PCDHA12: variants seen among roughly 807,000 people sequenced by gnomAD.
The protein encoded by PCDHA12 is protocadherin alpha-12.
Under a neutral mutation model 60.0 loss-of-function variants are expected in PCDHA12, and 44 were observed. The observed-to-expected ratio is 0.73, with a 90% CI of 0.58 to 0.94. PCDHA12 has a LOEUF of 0.94. Ranked by LOEUF, PCDHA12 falls within the 40% of genes least tolerant of loss-of-function variation. The pLI is 0.00. For missense variants in PCDHA12, 1,276 were observed against 1,239.7 expected, an observed-to-expected ratio of 1.03 and a Z score of -0.44; for synonymous variants, 569 against 553.0, an observed-to-expected ratio of 1.03 and a Z score of -0.40.
At chr5:141,006,755 A>G (rs1554260896) in intron 3 of PCDHA12, among the ~76,000 whole-genome samples, 1 of 152,190 alleles carries the variant, frequency 6.6e-6, no homozygotes, top group East Asian at 1.9e-4. Flanking sequence ...TAAATGGAGA[A>G]TGAAGAATAG....
chr5:140,961,805 G>A (rs1554225601), intron 1 of PCDHA12, among the ~76,000 whole-genome samples: 1 of 151,810 alleles, frequency 6.6e-6, no homozygotes, highest in African/African-American at 2.4e-5. Context: ...AGGAAATTGG[G>A]TTCTCTAGTC....
At chr5:140,905,021 G>A (rs1443702216) in intron 1 of PCDHA12, among the ~76,000 whole-genome samples, 1 of 152,078 alleles carries the variant, frequency 6.6e-6, no homozygotes, top group African/African-American at 2.4e-5. Flanking sequence ...TCTTTTCTAT[G>A]CAGAAGCTTT....
chr5:140,999,139 C>T lies in PCDHA12; in HGVS notation c.2516-10488C>T, dbSNP rs185453971. 2.6e-3 allele frequency among the ~76,000 whole-genome samples: 401 copies of T among 152,236 alleles called. 3 individuals carry two copies. The highest frequency in any genetic ancestry group is 5.8e-3 in the South Asian group (28 of 4,818). On this transcript the variant is annotated intron_variant, in intron 3 of 3. Coordinates refer to ENST00000398631, the MANE Select transcript of PCDHA12 (RefSeq NM_018903.4). ...TTTCTAAGCTGGAAAATGTCACAGCCGGAAGTCTTCAGTCCCCTAGAAGGA... is the reference window on the plus strand; with the variant it reads ...TTTCTAAGCTGGAAAATGTCACAGCTGGAAGTCTTCAGTCCCCTAGAAGGA...
At chr5:140,911,057 TG>T (rs1554194586) in intron 1 of PCDHA12, among the ~76,000 whole-genome samples, 1 of 151,474 alleles carries the variant, frequency 6.6e-6, no homozygotes, top group Non-Finnish European at 1.5e-5. Context: ...TGGTGGGGGG[TG>T]GGTCCTGAGG....
chr5:140,981,959 A>C (rs76200785), intron 2 of PCDHA12, among the ~76,000 whole-genome samples: 3,104 of 152,312 alleles, frequency 0.02, 114 homozygotes, highest in African/African-American at 0.071. Flanking sequence ...TCATCTATGC[A>C]TAAAAGATAT....
intron 1 of PCDHA12, among the ~76,000 whole-genome samples, chr5:140,902,203 C>CTTT (rs148688132): frequency 4.8e-5 from 6 of 124,458 alleles, no homozygotes; most frequent in Non-Finnish European, 8.4e-5. Flanking sequence ...CTCTCTCTTT[C>CTTT]TTTTTTTTTT....
chr5:140,929,154 T>C (rs1005551092), intron 1 of PCDHA12: 3 of 1,614,180 alleles, frequency 1.9e-6, no homozygotes, highest in Non-Finnish European at 1.7e-6. Context: ...CTCAGACTTA[T>C]CTCTATCGGG....
intron 1 of PCDHA12, among the ~76,000 whole-genome samples, chr5:140,950,045 A>G (rs1293026782): frequency 1.3e-5 from 2 of 151,934 alleles, no homozygotes; most frequent in Non-Finnish European, 2.9e-5. Context: ...ACAACCATAT[A>G]AGACTATTTA....
At chr5:140,980,279 AAAAGTACC>A (rs1554241598) in intron 2 of PCDHA12, among the ~76,000 whole-genome samples, 2 of 152,236 alleles carry the variant, frequency 1.3e-5, no homozygotes, top group African/African-American at 4.8e-5. Flanking sequence ...CCAACTCTTG[AAAAGTACC>A]AAAGCTATGA....
intron 3 of PCDHA12, among the ~76,000 whole-genome samples, chr5:141,000,419 A>ATTTT (rs1563652468): frequency 3.0e-4 from 18 of 60,988 alleles, no homozygotes; most frequent in East Asian, 5.4e-4. Context: ...ATATATATAT[A>ATTTT]TATTTTTTTT....
At chr5:140,920,323 T>C (rs1448405138) in intron 1 of PCDHA12, among the ~76,000 whole-genome samples, 3 of 152,212 alleles carry the variant, frequency 2.0e-5, no homozygotes, top group Non-Finnish European at 4.4e-5. Context: ...AAATTATATA[T>C]TTATGGCATT....
chr5:140,953,607 G>A (rs1040886184), intron 1 of PCDHA12, among the ~76,000 whole-genome samples: 21 of 152,152 alleles, frequency 1.4e-4, no homozygotes, highest in African/African-American at 4.8e-4. Flanking sequence ...ATTCCCCAGA[G>A]TCCTTAGATA....
Position 140,877,721 on chromosome 5 carries a change from A to C in PCDHA12, c.2249A>C (p.Tyr750Ser). 1.9e-6 allele frequency: 3 copies of C among 1,614,000 alleles called. No homozygotes were observed. Among genetic ancestry groups the C allele is most frequent in the Non-Finnish European group, 2.5e-6 (3 of 1,179,992 alleles). ...TCCAGCGCCGTGGGGAGTTGGTCTTACTCGCAGCAGAGGAGGCAGAGGGTG... is the reference window on the plus strand; with the variant it reads ...TCCAGCGCCGTGGGGAGTTGGTCTTCCTCGCAGCAGAGGAGGCAGAGGGTG... ...VCSSAVGSWSYSQQRRQRVCS... is the reference protein window; with the variant it reads ...VCSSAVGSWSSSQQRRQRVCS... The change falls in exon 1 of 4, where the codon TAC becomes TCC. Residue 750 changes from tyrosine to serine, a missense_variant. Physicochemically the swap from Tyr to Ser is moderately radical, Grantham distance 144. Transcript: ENST00000398631.
intron 1 of PCDHA12, chr5:140,967,413 A>C: frequency 6.2e-7 from 1 of 1,613,218 alleles, no homozygotes; most frequent in Non-Finnish European, 8.5e-7. Context: ...AAGGGCCTAG[A>C]CCGGGAGCAG....
intron 3 of PCDHA12, among the ~76,000 whole-genome samples, chr5:140,995,267 C>A (rs552857413): frequency 6.6e-6 from 1 of 152,074 alleles, no homozygotes; most frequent in Admixed American, 6.5e-5. Context: ...GAATACAAGC[C>A]CTTTGATACC....
intron 1 of PCDHA12, chr5:140,966,920 C>A: frequency 6.2e-7 from 1 of 1,602,672 alleles, no homozygotes; most frequent in South Asian, 1.1e-5. Flanking sequence ...GCCAGAGGAG[C>A]AGGCACCCGG....
In PCDHA12 at chr5:140,877,818, T is replaced by C. The variant is rs1207543793; in HGVS notation, c.2346T>C (p.Asp782=). ...CAAGCCTTCAGCTGTCTCGAGAAGA[T>C]TGTTTAAATCCTCCCAGTGAAGTAA... ...FSPSLQLSRE[D]CLNPPSEPRQ... Residue 782 remains aspartate (D), a synonymous_variant, in exon 1 of 4, where the codon GAT becomes GAC. Transcript: ENST00000398631. 1 of 1,608,890 alleles carries C rather than the reference T, an allele frequency of 6.2e-7. No individual in the cohort carries two copies. Among genetic ancestry groups the C allele is most frequent in the Non-Finnish European group, 8.5e-7 (1 of 1,178,090 alleles).
intron 1 of PCDHA12, among the ~76,000 whole-genome samples, chr5:140,923,489 A>G (rs549066009): frequency 2.2e-4 from 34 of 152,300 alleles, no homozygotes; most frequent in African/African-American, 7.5e-4. Context: ...TCTTCACACC[A>G]CTGCACTCCA....
At chr5:140,939,262 T>G (rs1371349789) in intron 1 of PCDHA12, among the ~76,000 whole-genome samples, 1 of 152,146 alleles carries the variant, frequency 6.6e-6, no homozygotes, top group Non-Finnish European at 1.5e-5. Context: ...GGAACCTCTT[T>G]TATGAGAGCT....
Sources: allele counts gnomAD v4.1 joint callset (sites outside exome capture counted in the v4.1 genomes callset), GRCh38; gene constraint gnomAD v4.1.1; transcripts MANE v1.5; gene names NCBI Gene and HGNC (gene_info 2026-07-23, HGNC 2026-07-21).